WSCD2: variants seen among roughly 807,000 people sequenced by gnomAD.
WSCD2 encodes WSC domain sialate O sulfotransferase 2.
A neutral mutation model predicts 55.7 loss-of-function variants in WSCD2; 28 were observed. That is an observed-to-expected ratio of 0.50 (90% CI 0.37 to 0.69). The LOEUF (loss-of-function observed/expected upper bound fraction) is 0.69. Ranked by LOEUF, WSCD2 falls within the 30% of genes least tolerant of loss-of-function variation. WSCD2 has a pLI of 0.00. For missense variants in WSCD2, 616 were observed against 762.1 expected (o/e 0.81, Z 2.26); for synonymous variants, 301 against 301.9 (o/e 1.00, Z 0.03).
At chr12:108,137,537 G>A (rs907969715) in intron 1 of WSCD2, among the ~76,000 whole-genome samples, 2 of 152,178 alleles carry the variant, frequency 1.3e-5, no homozygotes, top group African/African-American at 4.8e-5. Context: ...TGGGAACAAG[G>A]GTGAAGATGA....
At chr12:108,201,542 A>C (rs1884681316) in intron 2 of WSCD2, among the ~76,000 whole-genome samples, 1 of 151,926 alleles carries the variant, frequency 6.6e-6, no homozygotes, top group Non-Finnish European at 1.5e-5. Context: ...AGGGCACACA[A>C]TTCAGCCTGA....
At chr12:108,208,634 A>T (rs1426356) in intron 3 of WSCD2, among the ~76,000 whole-genome samples, 83,788 of 151,976 alleles carry the variant, frequency 0.55, 23,330 homozygotes, top group East Asian at 0.6. Flanking sequence ...GCATGGGAGT[A>T]CACAGAGGGT....
At chr12:108,223,996 C>G (rs1593075876) in intron 4 of WSCD2, among the ~76,000 whole-genome samples, 1 of 152,362 alleles carries the variant, frequency 6.6e-6, no homozygotes, top group African/African-American at 2.4e-5. Context: ...TCTCTGAGAG[C>G]ACACCTTCAA....
At chr12:108,183,013 GGGTCCACA>G (rs72067971) in intron 1 of WSCD2, among the ~76,000 whole-genome samples, 112,144 of 151,404 alleles carry the variant, frequency 0.74, 42,844 homozygotes, top group East Asian at 0.9. Flanking sequence ...GGATTCAGAT[GGGTCCACA>G]GGCAGTGTTC....
intron 1 of WSCD2, among the ~76,000 whole-genome samples, chr12:108,162,621 C>T (rs1197647404): frequency 1.3e-5 from 2 of 152,198 alleles, no homozygotes; most frequent in African/African-American, 4.8e-5. Context: ...ACCAGAAAAG[C>T]TTGGATGTTT....
At chr12:108,153,462 G>A (rs188011478) in intron 1 of WSCD2, among the ~76,000 whole-genome samples, 6 of 152,062 alleles carry the variant, frequency 3.9e-5, no homozygotes, top group Admixed American at 1.3e-4. Context: ...TCTGTGCTGC[G>A]TCTGCATTTT....
At position 108,240,666 on chromosome 12, in the gene WSCD2, T is replaced by C. The variant is rs549209964; in HGVS notation, c.1345+122T>C. ...AGGCAATGCCTCATGCGAGGAACCC[T>C]GGAGGACATCCTGGAGGGCGCGTGT... On this transcript the variant is annotated intron_variant, in intron 8 of 8. Coordinates refer to ENST00000547525, the MANE Select transcript of WSCD2 (RefSeq NM_014653.4). 1.2e-5 allele frequency: 14 copies of C among 1,173,488 alleles called. No homozygotes were observed. The Admixed American group carries it at 1.7e-4, about 14-fold the overall frequency. 72.7% of individuals were successfully genotyped at this position (1,173,488 alleles called of 1,614,324 possible).
intron 1 of WSCD2, among the ~76,000 whole-genome samples, chr12:108,137,642 C>G (rs1277832186): frequency 6.6e-6 from 1 of 152,230 alleles, no homozygotes; most frequent in African/African-American, 2.4e-5. Flanking sequence ...TAACTTCTGT[C>G]CAGCTGAATG....
At chr12:108,233,351 G>A (rs1048272387) in intron 7 of WSCD2, among the ~76,000 whole-genome samples, 15 of 152,272 alleles carry the variant, frequency 9.9e-5, no homozygotes, top group South Asian at 2.1e-4. Context: ...GACAATATTC[G>A]CTATGCAGGG....
intron 1 of WSCD2, among the ~76,000 whole-genome samples, chr12:108,139,408 C>T (rs926095840): frequency 6.6e-6 from 1 of 152,196 alleles, no homozygotes; most frequent in Non-Finnish European, 1.5e-5. Flanking sequence ...GACCCAATGC[C>T]TGCACCTAGG....
intron 1 of WSCD2, among the ~76,000 whole-genome samples, chr12:108,192,567 C>G (rs1883321023): frequency 6.6e-6 from 1 of 152,194 alleles, no homozygotes; most frequent in African/African-American, 2.4e-5. Context: ...TTTTAGAACA[C>G]AGTCCCAACT....
chr12:108,227,175 C>T lies in WSCD2; in HGVS notation c.979+11C>T. 6.2e-7 allele frequency: 1 copy of T among 1,608,720 alleles called. No individual in the cohort carries two copies. Among genetic ancestry groups the T allele is most frequent in the Non-Finnish European group, 8.5e-7 (1 of 1,177,136 alleles). On this transcript the variant is annotated intron_variant, in intron 6 of 8. Coordinates refer to ENST00000547525, the MANE Select transcript of WSCD2 (RefSeq NM_014653.4). ...AGACACAAGTCCAAGGTGAGCTAGG[C>T]CCTTCCCCAGTGGACCCCAGATGCA...
At chr12:108,224,142 TG>T (rs1233127094) in intron 4 of WSCD2, among the ~76,000 whole-genome samples, 1 of 152,246 alleles carries the variant, frequency 6.6e-6, no homozygotes, top group African/African-American at 2.4e-5. Context: ...GCACGATTTC[TG>T]GGTTAAATTT....
At position 108,195,691 on chromosome 12, in the gene WSCD2, G is replaced by C. The variant is rs1257947304; in HGVS notation, c.-142G>C. 2.5e-6 allele frequency: 3 copies of C among 1,208,758 alleles called. No individual in the cohort carries two copies. The highest frequency in any genetic ancestry group is 1.5e-5 in the African/African-American group (1 of 65,112). 74.9% of individuals were successfully genotyped at this position (1,208,758 alleles called of 1,614,324 possible). ...GAACTTGCCCTCCCCTTCTGGCCTT[G>C]GTGATCACTTTTTCAGGAAGAGTGA... On this transcript the variant is annotated 5_prime_UTR_variant, in exon 2 of 9. Transcript: ENST00000547525.
At chr12:108,240,657 G>A (rs970625866) in intron 8 of WSCD2, 113 bp downstream of exon 8, 8 of 1,248,232 alleles carry the variant, frequency 6.4e-6, no homozygotes, top group African/African-American at 6.0e-5. Context: ...TGCCTCATGC[G>A]AGGAACCCTG....
At chr12:108,200,038 G>A (rs1884461542) in intron 2 of WSCD2, among the ~76,000 whole-genome samples, 1 of 152,224 alleles carries the variant, frequency 6.6e-6, no homozygotes, top group Non-Finnish European at 1.5e-5. Context: ...ATCTGGGGCA[G>A]AGCCAGGAGC....
At chr12:108,164,453 A>T (rs143341107) in intron 1 of WSCD2, among the ~76,000 whole-genome samples, 6 of 151,838 alleles carry the variant, frequency 4.0e-5, no homozygotes, top group Non-Finnish European at 5.9e-5. Flanking sequence ...AATCCGTGAG[A>T]TTTATTCACG....
intron 5 of WSCD2, 37 bp from the exon 6 acceptor site, chr12:108,226,953 C>A: frequency 1.3e-6 from 2 of 1,591,708 alleles, no homozygotes; most frequent in South Asian, 1.1e-5. Context: ...AGGGATTTAG[C>A]AACTCTCTTC....
chr12:108,185,123 A>C (rs1443209966), intron 1 of WSCD2, among the ~76,000 whole-genome samples: 1 of 152,230 alleles, frequency 6.6e-6, no homozygotes, highest in Non-Finnish European at 1.5e-5. Flanking sequence ...CCTGAGCCCC[A>C]GCCAGAAAGA....
Sources: allele counts gnomAD v4.1 joint callset (sites outside exome capture counted in the v4.1 genomes callset), GRCh38; gene constraint gnomAD v4.1.1; transcripts MANE v1.5; gene names NCBI Gene and HGNC (gene_info 2026-07-23, HGNC 2026-07-21).